The following KCNB2 variants were observed in gnomAD, a reference collection of about 807,000 sequenced individuals.
KCNB2 encodes the protein delayed rectifier potassium channel protein.
KCNB2 carries 15 observed loss-of-function variants against 61.5 expected under a neutral mutation model. The ratio of observed to expected loss-of-function variants is 0.24; its 90% CI spans 0.16 to 0.38. The LOEUF (loss-of-function observed/expected upper bound fraction) is 0.38, where lower values mean the gene tolerates loss of function less well. KCNB2 is among the 10% of genes least tolerant of loss of function. The pLI is 1.00. For missense variants in KCNB2, 828 were observed against 1,125.2 expected (o/e 0.74, Z 3.78); for synonymous variants, 457 against 446.0 (o/e 1.02, Z -0.31).
At chr8:72,574,018 C>A (rs1257638565) in intron 2 of KCNB2, among the ~76,000 whole-genome samples, 1 of 152,230 alleles carries the variant, frequency 6.6e-6, no homozygotes, top group African/African-American at 2.4e-5. Flanking sequence ...TTTAAAAGAA[C>A]TTGGCCAATC....
chr8:72,647,594 T>G (rs1217075193), intron 2 of KCNB2, among the ~76,000 whole-genome samples: 2 of 152,128 alleles, frequency 1.3e-5, no homozygotes, highest in African/African-American at 4.8e-5. Context: ...ACAGATTTTA[T>G]TCAGTAACCA....
At chr8:72,845,351 T>C (rs1310837566) in intron 2 of KCNB2, among the ~76,000 whole-genome samples, 1 of 152,112 alleles carries the variant, frequency 6.6e-6, no homozygotes, top group African/African-American at 2.4e-5. Flanking sequence ...CAGCTGGAGC[T>C]CTTTTGTATG....
chr8:72,627,176 A>G (rs373900597), intron 2 of KCNB2, among the ~76,000 whole-genome samples: 1 of 152,350 alleles, frequency 6.6e-6, no homozygotes, highest in African/African-American at 2.4e-5. Context: ...TAGTAAGAAT[A>G]AGTTTATCTC....
In KCNB2 at chr8:72,781,073, T is replaced by G. The variant is rs547675948; in HGVS notation, c.580-154862T>G. 3.3e-5 allele frequency among the ~76,000 whole-genome samples: 5 copies of G among 152,306 alleles called. No homozygotes were observed. In the East Asian group the frequency reaches 9.6e-4, roughly 29 times the overall value. On this transcript the variant is annotated intron_variant, in intron 2 of 2. Coordinates refer to ENST00000523207, the MANE Select transcript of KCNB2 (RefSeq NM_004770.3). ...TTTGCCCACTTTTGATGGGGTTGTT[T>G]TTTTCTTCTAAATTTAAGTTGCTTG...
intron 2 of KCNB2, among the ~76,000 whole-genome samples, chr8:72,933,607 T>C (rs1449482370): frequency 6.6e-6 from 1 of 152,214 alleles, no homozygotes; most frequent in Admixed American, 6.5e-5. Flanking sequence ...TTCCTTATGA[T>C]AAGAGCATAG....
At chr8:72,568,419 G>A in intron 2 of KCNB2, 106 bp downstream of exon 2, 2 of 925,034 alleles carry the variant, frequency 2.2e-6, no homozygotes, top group African/African-American at 3.3e-5. Flanking sequence ...AGAACAAAGT[G>A]TGGCTACACA....
At position 72,846,910 on chromosome 8, in the gene KCNB2, A is replaced by AT. The variant is rs530688978; in HGVS notation, c.580-89024dup. Among the ~76,000 whole-genome samples, 264 of 152,340 alleles carry AT rather than the reference A, an allele frequency of 1.7e-3. 4 individuals are homozygous for AT. The highest frequency in any genetic ancestry group is 6.1e-3 in the African/African-American group (252 of 41,570). ...TGACCCAGCCATCCCATTACTAGGT[A>AT]TATACCCAAAGGATTATAAATCATG... On this transcript the variant is annotated intron_variant, in intron 2 of 2. Transcript: ENST00000523207.
Position 72,624,312 on chromosome 8 carries a change from G to T in KCNB2, c.579+55999G>T, listed in dbSNP as rs150783474. Reference sequence around the variant, plus strand: ...ATTATCTATATGTTCAGAAAACTGGGAAAACATCCTCGAAGAAGAAGCACA... The same window carrying T: ...ATTATCTATATGTTCAGAAAACTGGTAAAACATCCTCGAAGAAGAAGCACA... On this transcript the variant is annotated intron_variant, in intron 2 of 2. Transcript: ENST00000523207. Among the ~76,000 whole-genome samples the T allele has an allele frequency of 5.3e-5, 8 of 152,280 alleles. No homozygotes were observed. The East Asian group carries it at 1.5e-3, about 29-fold the overall frequency.
intron 2 of KCNB2, among the ~76,000 whole-genome samples, chr8:72,790,496 G>T (rs867366399): frequency 6.6e-6 from 1 of 152,114 alleles, no homozygotes; most frequent in Admixed American, 6.5e-5. Flanking sequence ...AAGTGGCGTC[G>T]TTAGAATGTG....
At chr8:72,795,488 C>T (rs972800340) in intron 2 of KCNB2, among the ~76,000 whole-genome samples, 1 of 152,164 alleles carries the variant, frequency 6.6e-6, no homozygotes, top group African/African-American at 2.4e-5. Context: ...TTTAAAGCAA[C>T]CTGAATTTGT....
intron 2 of KCNB2, among the ~76,000 whole-genome samples, chr8:72,635,687 A>G (rs751532559): frequency 6.6e-6 from 1 of 152,198 alleles, no homozygotes; most frequent in African/African-American, 2.4e-5. Context: ...GCAGTGTTTA[A>G]TTAGGAAGAA....
chr8:72,692,410 A>G (rs1806954288), intron 2 of KCNB2, among the ~76,000 whole-genome samples: 2 of 152,176 alleles, frequency 1.3e-5, no homozygotes, highest in Admixed American at 1.3e-4. Context: ...GCCCCATTCC[A>G]GAGATATTTG....
At chr8:72,720,223 A>G (rs979620172) in intron 2 of KCNB2, among the ~76,000 whole-genome samples, 1 of 152,202 alleles carries the variant, frequency 6.6e-6, no homozygotes, top group African/African-American at 2.4e-5. Context: ...GGAAGGAGAT[A>G]TATTAGCCGG....
At chr8:72,694,936 T>A (rs964404365) in intron 2 of KCNB2, among the ~76,000 whole-genome samples, 13 of 152,074 alleles carry the variant, frequency 8.5e-5, no homozygotes, top group Non-Finnish European at 1.9e-4. Context: ...CTGATATTTT[T>A]CCTCTGACAA....
chr8:72,776,064 T>C (rs1279410269), intron 2 of KCNB2, among the ~76,000 whole-genome samples: 3 of 152,138 alleles, frequency 2.0e-5, no homozygotes, highest in Non-Finnish European at 4.4e-5. Context: ...TGGAATACTA[T>C]GCAGCCATAA....
At chr8:72,902,591 A>G (rs1806108606) in intron 2 of KCNB2, among the ~76,000 whole-genome samples, 1 of 152,194 alleles carries the variant, frequency 6.6e-6, no homozygotes, top group East Asian at 1.9e-4. Context: ...AATGGAGAAA[A>G]TGTCTATTAT....
rs1810264452 is a variant in KCNB2, at chr8:72,859,706, C to CTTTTTTTTTTTTTTTTTTTTTTTTTT, written c.580-76229_580-76228insTTTTTTTTTTTTTTTTTTTTTTTTTT. Among the ~76,000 whole-genome samples, 18 of 73,442 alleles carry CTTTTTTTTTTTTTTTTTTTTTTTTTT rather than the reference C, an allele frequency of 2.5e-4. 9 individuals carry two copies. The highest frequency in any genetic ancestry group is 1.2e-4 in the African/African-American group (2 of 17,008). The allele number at this position is 73,442 out of a possible 152,430, so 48.2% of individuals were successfully genotyped here. A position where few individuals can be genotyped will look rare whatever the true frequency, so the allele number is the denominator to read the frequency against. On this transcript the variant is annotated intron_variant, in intron 2 of 2. Transcript: ENST00000523207. ...TGTAGCATGGATCAGTACTTCATTT[C>CTTTTTTTTTTTTTTTTTTTTTTTTTT]GTTTTTTTTTTTTTTTTTTTTTTTT...
intron 2 of KCNB2, among the ~76,000 whole-genome samples, chr8:72,582,181 A>G (rs536746456): frequency 1.3e-5 from 2 of 152,334 alleles, no homozygotes; most frequent in East Asian, 3.9e-4. Context: ...CCTAGAAGTC[A>G]GGGCAAGCTG....
At chr8:72,569,864 AG>A (rs1806684223) in intron 2 of KCNB2, among the ~76,000 whole-genome samples, 1 of 152,214 alleles carries the variant, frequency 6.6e-6, no homozygotes, top group Non-Finnish European at 1.5e-5. Flanking sequence ...TTCCAGAGAA[AG>A]TTAGCCAACT....
Sources: allele counts gnomAD v4.1 joint callset (sites outside exome capture counted in the v4.1 genomes callset), GRCh38; gene constraint gnomAD v4.1.1; transcripts MANE v1.5; gene names NCBI Gene and HGNC (gene_info 2026-07-23, HGNC 2026-07-21).